The following SCP2 variants were observed in gnomAD, a reference collection of about 807,000 sequenced individuals.
SCP2 encodes SCP-2/3-oxoacyl-CoA thiolase.
A neutral mutation model predicts 71.4 loss-of-function variants in SCP2; 48 were observed. The ratio of observed to expected loss-of-function variants is 0.67; its 90% confidence interval spans 0.53 to 0.86. SCP2 has a LOEUF of 0.86. Ranked by LOEUF, SCP2 falls within the 40% of genes least tolerant of loss-of-function variation. The pLI is 0.00. For synonymous variants in SCP2, 220 were observed against 218.1 expected (o/e 1.01, Z -0.08); for missense variants, 560 against 655.6 (o/e 0.85, Z 1.59).
At chr1:53,043,188 C>T (rs1224931290) in intron 14 of SCP2, among the ~76,000 whole-genome samples, 1 of 152,124 alleles carries the variant, frequency 6.6e-6, no homozygotes, top group African/African-American at 2.4e-5. Flanking sequence ...GGGTATATAC[C>T]TTCCCTGAGA....
intron 13 of SCP2, among the ~76,000 whole-genome samples, chr1:53,036,031 A>C (rs1333424526): frequency 6.7e-6 from 1 of 148,878 alleles, no homozygotes; most frequent in African/African-American, 2.5e-5. Flanking sequence ...AAAAAAAAAA[A>C]AAAAAAAAAG....
At chr1:52,947,007 G>A (rs1200453986) in intron 2 of SCP2, among the ~76,000 whole-genome samples, 1 of 148,818 alleles carries the variant, frequency 6.7e-6, no homozygotes, top group Non-Finnish European at 1.5e-5. Context: ...GTTGCAGTGA[G>A]CCGAGATCGC....
At chr1:53,034,336 T>C (rs1246961650) in intron 13 of SCP2, among the ~76,000 whole-genome samples, 2 of 151,928 alleles carry the variant, frequency 1.3e-5, no homozygotes, top group Admixed American at 6.6e-5. Context: ...CTTGAAAACG[T>C]CATGCTTAAG....
chr1:52,937,665 C>G (rs1653858813), intron 1 of SCP2, among the ~76,000 whole-genome samples: 1 of 152,114 alleles, frequency 6.6e-6, no homozygotes, highest in Non-Finnish European at 1.5e-5. Context: ...TTTTGTGACC[C>G]ATTAGTGAGT....
Position 52,950,990 on chromosome 1 carries a change from T to G in SCP2, c.331+104T>G, listed in dbSNP as rs971841645. 26 of 1,348,050 alleles carry G rather than the reference T, an allele frequency of 1.9e-5. No individual in the cohort carries two copies. The East Asian group carries it at 5.6e-4, about 29-fold the overall frequency. 83.5% of individuals were successfully genotyped at this position (1,348,050 alleles called of 1,614,324 possible). ...TTATAATGTATTTGTTTTAAAAAAG[T>G]CTTCATCAGGCCGGGTGTGGTGGCT... On this transcript the variant is annotated intron_variant, in intron 4 of 15. Coordinates refer to ENST00000371514, the MANE Select transcript of SCP2 (RefSeq NM_002979.5).
At chr1:53,045,253 A>G (rs7519017) in intron 14 of SCP2, among the ~76,000 whole-genome samples, 10,162 of 152,244 alleles carry the variant, frequency 0.067, 967 homozygotes, top group African/African-American at 0.21. Context: ...CATTATTTCA[A>G]ATCCTATCAC....
intron 13 of SCP2, among the ~76,000 whole-genome samples, chr1:53,035,596 CA>C (rs543781958): frequency 1.6e-4 from 24 of 149,216 alleles, no homozygotes; most frequent in African/African-American, 4.7e-4. Context: ...AAAATGTGTC[CA>C]AAAAAAAATC....
intron 12 of SCP2, among the ~76,000 whole-genome samples, chr1:53,024,219 C>T (rs1477621333): frequency 6.6e-6 from 1 of 152,196 alleles, no homozygotes; most frequent in Non-Finnish European, 1.5e-5. Flanking sequence ...TATGATTCCA[C>T]TTAGAATCAT....
At chr1:52,995,009 C>T (rs1361583293) in intron 11 of SCP2, 1 of 507,364 alleles carries the variant, frequency 2.0e-6, no homozygotes, top group Non-Finnish European at 4.0e-6. Context: ...TTTGGTCAAT[C>T]TGGGGCAGGC....
intron 14 of SCP2, among the ~76,000 whole-genome samples, chr1:53,045,599 T>C (rs1239511460): frequency 6.6e-6 from 1 of 152,210 alleles, no homozygotes; most frequent in Non-Finnish European, 1.5e-5. Flanking sequence ...TGGGTATGGA[T>C]GTACTATTTT....
intron 11 of SCP2, among the ~76,000 whole-genome samples, chr1:53,002,660 G>A (rs373053098): frequency 4.6e-5 from 7 of 152,194 alleles, no homozygotes; most frequent in African/African-American, 7.2e-5. Context: ...TCTCCTGTGC[G>A]AAGTAATTAT....
chr1:52,942,917 G>T (rs973060546), intron 2 of SCP2, among the ~76,000 whole-genome samples: 1 of 151,916 alleles, frequency 6.6e-6, no homozygotes, highest in African/African-American at 2.4e-5. Flanking sequence ...AGCTAGGCTG[G>T]CCTCGAACTC....
chr1:52,927,511 G>A, intron 1 of SCP2, 46 bp downstream of exon 1: 2 of 1,439,330 alleles, frequency 1.4e-6, no homozygotes, highest in Non-Finnish European at 1.9e-6. Context: ...CTCGGGGGCG[G>A]TCGGTGCCTG....
intron 6 of SCP2, among the ~76,000 whole-genome samples, chr1:52,973,117 C>T (rs911402120): frequency 1.3e-5 from 2 of 152,178 alleles, no homozygotes; most frequent in African/African-American, 4.8e-5. Flanking sequence ...TTAACAAGAC[C>T]AGAGCTGAGG....
chr1:52,970,373 C>G (rs1212967995), intron 6 of SCP2, among the ~76,000 whole-genome samples: 2 of 152,184 alleles, frequency 1.3e-5, no homozygotes, highest in African/African-American at 4.8e-5. Context: ...TCTCAGCGTC[C>G]TGAGTCGCTG....
At chr1:53,044,101 C>T (rs2150271816) in intron 14 of SCP2, among the ~76,000 whole-genome samples, 1 of 152,140 alleles carries the variant, frequency 6.6e-6, no homozygotes, top group African/African-American at 2.4e-5. Flanking sequence ...TCTTGTCACC[C>T]AGGTTGGAGT....
intron 11 of SCP2, among the ~76,000 whole-genome samples, chr1:53,003,223 T>C (rs914806709): frequency 2.0e-5 from 3 of 152,174 alleles, no homozygotes; most frequent in Non-Finnish European, 4.4e-5. Context: ...ATTTCTTTTC[T>C]TTTTTTATTT....
intron 10 of SCP2, among the ~76,000 whole-genome samples, chr1:52,982,267 G>C (rs1467066850): frequency 6.6e-6 from 1 of 152,030 alleles, no homozygotes; most frequent in Non-Finnish European, 1.5e-5. Flanking sequence ...ATGTCTTCTG[G>C]GGGGTAAAAT....
intron 11 of SCP2, chr1:52,995,838 A>G: frequency 9.1e-7 from 1 of 1,102,206 alleles, no homozygotes; most frequent in South Asian, 1.4e-5. Context: ...TGCATCTTGG[A>G]GCAGTTCACT....
Sources: allele counts gnomAD v4.1 joint callset (sites outside exome capture counted in the v4.1 genomes callset), GRCh38; gene constraint gnomAD v4.1.1; transcripts MANE v1.5; gene names NCBI Gene and HGNC (gene_info 2026-07-23, HGNC 2026-07-21).